PCDH15: variants seen among roughly 807,000 people sequenced by gnomAD.
The protein encoded by PCDH15 is protocadherin related 15, also known as protocadherin-15.
A neutral mutation model predicts 178.5 loss-of-function variants in PCDH15; 129 were observed. The observed-to-expected ratio is 0.72, with a 90% confidence interval of 0.63 to 0.84. PCDH15 has a LOEUF of 0.84. Among genes scored for constraint, PCDH15 ranks in the 40% least tolerant of loss-of-function variants. The pLI is 0.00. For missense variants in PCDH15, 2,230 were observed against 2,099.9 expected (o/e 1.06, Z -1.21); for synonymous variants, 800 against 732.0 (o/e 1.09, Z -1.50).
chr10:54,822,568 CT>C (rs1953063416), intron 3 of PCDH15, among the ~76,000 whole-genome samples: 1 of 152,026 alleles, frequency 6.6e-6, no homozygotes, highest in South Asian at 2.1e-4. Context: ...CACATGTTTG[CT>C]GTTTGTGAGT....
At chr10:53,808,494 T>C in intron 37 of PCDH15, 3 of 1,388,448 alleles carry the variant, frequency 2.2e-6, no homozygotes, top group Non-Finnish European at 2.8e-6. Context: ...GATTAGTCAG[T>C]TTTACTCTAA....
intron 1 of PCDH15, among the ~76,000 whole-genome samples, chr10:55,222,497 T>C (rs1310684217): frequency 1.3e-5 from 2 of 151,920 alleles, no homozygotes; most frequent in Non-Finnish European, 2.9e-5. Flanking sequence ...TGTCTGTCTT[T>C]TTATTTTTAT....
intron 35 of PCDH15, among the ~76,000 whole-genome samples, chr10:53,814,962 C>CAAA (rs34460612): frequency 0.035 from 3,103 of 87,774 alleles, 62 homozygotes; most frequent in East Asian, 0.073. Context: ...GAATCTGTCT[C>CAAA]AAAAAAAAAA....
At chr10:54,844,103 C>G (rs1423090803) in intron 3 of PCDH15, among the ~76,000 whole-genome samples, 1 of 151,942 alleles carries the variant, frequency 6.6e-6, no homozygotes, top group East Asian at 1.9e-4. Flanking sequence ...CCACATCATT[C>G]AACCACAGGA....
intron 18 of PCDH15, 28 bp downstream of exon 18, chr10:54,066,729 A>G (rs372685927): frequency 2.5e-6 from 4 of 1,605,966 alleles, no homozygotes; most frequent in African/African-American, 2.7e-5. Context: ...AAAACTACAT[A>G]TAAGATCTAT....
At chr10:53,856,335 T>A (rs1050786381) in intron 28 of PCDH15, among the ~76,000 whole-genome samples, 1 of 151,988 alleles carries the variant, frequency 6.6e-6, no homozygotes, top group African/African-American at 2.4e-5. Flanking sequence ...TATCAAAATA[T>A]AAGAACTGCA....
intron 11 of PCDH15, among the ~76,000 whole-genome samples, chr10:54,194,693 T>TCTATCTATCTATCTATCTA (rs1554833338): frequency 2.8e-4 from 42 of 151,538 alleles, no homozygotes; most frequent in African/African-American, 8.7e-4. Flanking sequence ...TCTATCTATA[T>TCTATCTATCTATCTATCTA]CTGTATGTGT....
At chr10:54,243,888 T>C (rs2055662608) in intron 8 of PCDH15, among the ~76,000 whole-genome samples, 1 of 152,176 alleles carries the variant, frequency 6.6e-6, no homozygotes, top group African/African-American at 2.4e-5. Flanking sequence ...GAACTTTTTG[T>C]ATTGTTATGG....
chr10:54,858,656 T>C (rs1004180325), intron 3 of PCDH15, among the ~76,000 whole-genome samples: 2 of 152,096 alleles, frequency 1.3e-5, no homozygotes, highest in African/African-American at 2.4e-5. Flanking sequence ...AATCTTCACA[T>C]TGATAGCTTT....
At chr10:55,454,351 T>C (rs1338129265) in intron 2 of PCDH15, among the ~76,000 whole-genome samples, 1 of 152,122 alleles carries the variant, frequency 6.6e-6, no homozygotes, top group Non-Finnish European at 1.5e-5. Flanking sequence ...AGTTCAATAA[T>C]ATATAATTTC....
intron 2 of PCDH15, chr10:54,606,021 C>T (rs1590441768): frequency 6.6e-6 from 1 of 152,210 alleles, no homozygotes; most frequent in Non-Finnish European, 1.5e-5. Context: ...AAAATGGCTG[C>T]TTTGTTTTCT....
At chr10:55,118,162 C>A (rs966188102) in intron 2 of PCDH15, among the ~76,000 whole-genome samples, 5 of 152,112 alleles carry the variant, frequency 3.3e-5, no homozygotes, top group African/African-American at 4.8e-5. Flanking sequence ...CTCATATAGA[C>A]AAATATTATC....
At chr10:55,181,876 A>G (rs934058696) in intron 1 of PCDH15, among the ~76,000 whole-genome samples, 1 of 152,006 alleles carries the variant, frequency 6.6e-6, no homozygotes, top group Non-Finnish European at 1.5e-5. Flanking sequence ...TAGATGTCTC[A>G]GAAGAAAATT....
intron 14 of PCDH15, among the ~76,000 whole-genome samples, chr10:54,133,453 T>C (rs2042617497): frequency 6.6e-6 from 1 of 152,190 alleles, no homozygotes; most frequent in Admixed American, 6.5e-5. Flanking sequence ...CTGCGTTTTA[T>C]CAGTTCTGTT....
chr10:55,618,786 G>A lies in PCDH15; in HGVS notation c.-156+8839C>T, dbSNP rs1303229428. On this transcript the variant is annotated intron_variant, in intron 2 of 5. Transcript: ENST00000613346. ...TGACCTTGTACAATTGCCCAGTATTGTGTACTGACCTAAAAAGGCCTATGA... is the reference window on the plus strand; with the variant it reads ...TGACCTTGTACAATTGCCCAGTATTATGTACTGACCTAAAAAGGCCTATGA... 2.0e-5 allele frequency among the ~76,000 whole-genome samples: 3 copies of A among 151,978 alleles called. No individual in the cohort carries two copies. In the East Asian group the frequency reaches 5.8e-4, roughly 29 times the overall value.
At chr10:54,849,674 T>C (rs1240991863) in intron 3 of PCDH15, among the ~76,000 whole-genome samples, 1 of 152,220 alleles carries the variant, frequency 6.6e-6, no homozygotes, top group Non-Finnish European at 1.5e-5. Context: ...CCCAATCATA[T>C]TATTATGTTG....
intron 2 of PCDH15, among the ~76,000 whole-genome samples, chr10:55,606,924 G>T (rs1843233132): frequency 6.8e-6 from 1 of 148,040 alleles, no homozygotes; most frequent in African/African-American, 2.5e-5. Flanking sequence ...AAGAGCTTCT[G>T]CACAGCAAAA....
chr10:54,387,528 TA>T (rs1250475177), intron 3 of PCDH15, among the ~76,000 whole-genome samples: 1 of 152,190 alleles, frequency 6.6e-6, no homozygotes, highest in Non-Finnish European at 1.5e-5. Context: ...TACTTCCATA[TA>T]TTTTTTAATA....
intron 2 of PCDH15, among the ~76,000 whole-genome samples, chr10:55,602,271 A>C (rs1200542897): frequency 6.6e-6 from 1 of 152,164 alleles, no homozygotes; most frequent in African/African-American, 2.4e-5. Flanking sequence ...CTAGCACAGC[A>C]GTCTGACATC....
Sources: gnomAD v4.1 joint callset for allele counts (sites outside exome capture counted in the v4.1 genomes callset) on GRCh38, gnomAD v4.1.1 for gene constraint, MANE v1.5 for transcripts, NCBI Gene and HGNC (gene_info 2026-07-23, HGNC 2026-07-21) for gene names.